SCN10A: variants seen among roughly 807,000 people sequenced by gnomAD.
SCN10A encodes sodium voltage-gated channel alpha subunit 10.
A neutral mutation model predicts 170.7 loss-of-function variants in SCN10A; 162 were observed. The ratio of observed to expected loss-of-function variants is 0.95; its 90% CI spans 0.84 to 1.08. The LOEUF is 1.08. SCN10A is among the 50% of genes least tolerant of loss of function. The probability of loss-of-function intolerance (pLI) is 0.00; values close to 1 mark genes in which losing one functional copy is unlikely to be tolerated. For synonymous variants in SCN10A, 985 were observed against 904.6 expected (o/e 1.09, Z -1.59); for missense variants, 2,527 against 2,436.9 (o/e 1.04, Z -0.78).
At position 38,702,065 on chromosome 3, in the gene SCN10A, A is replaced by T. The variant is rs1434035224; in HGVS notation, c.4431T>A (p.Ala1477=). The change falls in exon 27 of 28, where the codon GCT becomes GCA. Residue 1477 remains alanine, a synonymous_variant. Transcript: ENST00000449082. ...GFVFDIVTRQ[A]FDITIMVLIC... is the part of the protein sequence containing the mutation. ...TGAGGACCATGATGGTGATGTCAAA[A>T]GCTTGTCTGGTCACGATGTCAAAGA... The T allele has an allele frequency of 8.8e-6, 14 of 1,588,948 alleles. No individual in the cohort carries two copies. The highest frequency in any genetic ancestry group is 1.2e-5 in the Non-Finnish European group (14 of 1,167,898).
chr3:38,804,738 G>A (rs1335157638), intron 1 of SCN10A, among the ~76,000 whole-genome samples: 1 of 152,134 alleles, frequency 6.6e-6, no homozygotes, highest in Admixed American at 6.5e-5. Context: ...AGTGTCTTAT[G>A]TTCAATAACA....
intron 14 of SCN10A, among the ~76,000 whole-genome samples, chr3:38,740,594 C>T (rs2095152056): frequency 6.6e-6 from 1 of 152,134 alleles, no homozygotes; most frequent in Non-Finnish European, 1.5e-5. Flanking sequence ...TTGTGTCTTC[C>T]AGAGACCTGG....
At chr3:38,778,460 G>A (rs2064101320) in intron 4 of SCN10A, among the ~76,000 whole-genome samples, 1 of 151,720 alleles carries the variant, frequency 6.6e-6, no homozygotes, top group South Asian at 2.1e-4. Context: ...GCAAAAGAGG[G>A]GATTAGAAAA....
rs932283233 is a variant in SCN10A, at chr3:38,771,320, T to G, written c.558A>C (p.Arg186Ser). Residue 186 changes from arginine (R) to serine (S), a missense_variant, in exon 5 of 28, where the codon AGA becomes AGC. Arg to Ser is a moderately radical substitution (Grantham distance 110, BLOSUM62 -1). Coordinates refer to ENST00000449082, the MANE Select transcript of SCN10A (RefSeq NM_006514.4). ...GFCLNEFTYL[R>S]DPWNWLDFSV... ...TAAAATCCAGCCAGTTCCAAGGATC[T>G]CTCAGGTACGTGAACTCATTTAGAC... 6.2e-7 allele frequency: 1 copy of G among 1,614,048 alleles called. No individual in the cohort carries two copies. The highest frequency in any genetic ancestry group is 1.3e-5 in the African/African-American group (1 of 74,948).
Position 38,772,560 on chromosome 3 carries a change from G to A in SCN10A, c.471-1153C>T, listed in dbSNP as rs574458913. ...AAAAATTAGCCGGGCGCCTTGGCGG[G>A]CACCTGTAGTTCCAGCTACTCCGGA... On this transcript the variant is annotated intron_variant, in intron 4 of 27. Transcript: ENST00000449082. 3.9e-4 allele frequency among the ~76,000 whole-genome samples: 60 copies of A among 152,146 alleles called. 1 individual carries two copies. The South Asian group carries it at 0.011, about 28-fold the overall frequency.
rs1409704120 is a variant in SCN10A, at chr3:38,697,313, A to G, written c.*36T>C. 1.1e-5 allele frequency: 17 copies of G among 1,604,710 alleles called. No individual in the cohort carries two copies. Among genetic ancestry groups the G allele is most frequent in the Non-Finnish European group, 1.4e-5 (17 of 1,174,074 alleles). On this transcript the variant is annotated 3_prime_UTR_variant, in exon 28 of 28. Transcript: ENST00000449082. ...GAGTTAACACAGAGCAGAAGGACGC[A>G]TCATAACTGAACATATCCAGGCTGG...
At chr3:38,809,455 G>A (rs1216366709) in intron 1 of SCN10A, among the ~76,000 whole-genome samples, 1 of 152,200 alleles carries the variant, frequency 6.6e-6, no homozygotes, top group Non-Finnish European at 1.5e-5. Flanking sequence ...GGGTTAGATG[G>A]CAAGACAGCT....
intron 1 of SCN10A, among the ~76,000 whole-genome samples, chr3:38,814,329 C>T (rs575079019): frequency 5.9e-5 from 9 of 152,220 alleles, no homozygotes; most frequent in African/African-American, 2.2e-4. Flanking sequence ...CACAGTATCA[C>T]TTTGTATCTG....
intron 5 of SCN10A, among the ~76,000 whole-genome samples, chr3:38,767,596 G>A (rs1344835501): frequency 1.3e-5 from 2 of 152,074 alleles, no homozygotes; most frequent in African/African-American, 4.8e-5. Context: ...ACTGTGCTCT[G>A]AGAGGATACC....
intron 1 of SCN10A, among the ~76,000 whole-genome samples, chr3:38,803,300 G>A (rs1469495877): frequency 1.3e-5 from 2 of 152,056 alleles, no homozygotes; most frequent in Admixed American, 6.6e-5. Context: ...CCATTACTGG[G>A]TATATACCCA....
intron 1 of SCN10A, among the ~76,000 whole-genome samples, chr3:38,807,241 G>A (rs890027031): frequency 6.6e-6 from 1 of 152,084 alleles, no homozygotes; most frequent in South Asian, 2.1e-4. Context: ...ATAAAGTTTT[G>A]GTGGACAGTA....
intron 1 of SCN10A, among the ~76,000 whole-genome samples, chr3:38,802,087 G>A (rs1295544158): frequency 6.6e-6 from 1 of 152,036 alleles, no homozygotes; most frequent in African/African-American, 2.4e-5. Context: ...TAGAAACTTA[G>A]GAGTCTTCCT....
chr3:38,775,735 C>T (rs901492399), intron 4 of SCN10A, among the ~76,000 whole-genome samples: 1 of 152,118 alleles, frequency 6.6e-6, no homozygotes, highest in Admixed American at 6.5e-5. Flanking sequence ...GTATACCTAA[C>T]AGTCATTGAC....
At chr3:38,786,202 A>C (rs371602570) in intron 4 of SCN10A, among the ~76,000 whole-genome samples, 1 of 152,200 alleles carries the variant, frequency 6.6e-6, no homozygotes, top group South Asian at 2.1e-4. Context: ...GGCACTATTG[A>C]CAATAGCAAA....
intron 14 of SCN10A, 146 bp downstream of exon 14, chr3:38,742,145 T>C: frequency 1.6e-6 from 1 of 641,728 alleles, no homozygotes; most frequent in Non-Finnish European, 2.8e-6. Context: ...TCCACATGTC[T>C]CCTGCACTGC....
chr3:38,760,351 C>A (rs1469650253), intron 8 of SCN10A, among the ~76,000 whole-genome samples: 1 of 152,218 alleles, frequency 6.6e-6, no homozygotes, highest in Non-Finnish European at 1.5e-5. Flanking sequence ...CCAGCCATCT[C>A]CAAGTTAATA....
At chr3:38,709,452 A>AC in intron 25 of SCN10A, 26 bp downstream of exon 25, 1 of 1,589,462 alleles carries the variant, frequency 6.3e-7, no homozygotes, top group Non-Finnish European at 8.5e-7. Flanking sequence ...TACAGCAGAA[A>AC]CCAGAAACTC....
At chr3:38,763,238 C>T (rs185522810) in intron 6 of SCN10A, among the ~76,000 whole-genome samples, 1 of 152,232 alleles carries the variant, frequency 6.6e-6, no homozygotes, top group African/African-American at 2.4e-5. Context: ...GAAGACATGC[C>T]CCTCCTGTTA....
chr3:38,744,127 T>A (rs1010976197), intron 13 of SCN10A, among the ~76,000 whole-genome samples: 5 of 152,154 alleles, frequency 3.3e-5, no homozygotes, highest in African/African-American at 9.7e-5. Context: ...TTATTTGTGG[T>A]GATGTAGAAA....
Sources: gnomAD v4.1 joint callset for allele counts (sites outside exome capture counted in the v4.1 genomes callset) on GRCh38, gnomAD v4.1.1 for gene constraint, MANE v1.5 for transcripts, NCBI Gene and HGNC (gene_info 2026-07-23, HGNC 2026-07-21) for gene names.